Variants in TMPRSS11A observed in about 807,000 individuals in gnomAD.
TMPRSS11A encodes the protein transmembrane protease serine 11A.
Under a neutral mutation model 58.9 loss-of-function variants are expected in TMPRSS11A, and 53 were observed. The observed-to-expected ratio is 0.90, with a 90% confidence interval of 0.72 to 1.13. The LOEUF is 1.13. Among genes scored for constraint, TMPRSS11A ranks in the 50% most tolerant of loss-of-function variants. The pLI, the probability that TMPRSS11A is intolerant of heterozygous loss-of-function variation, is 0.00. For synonymous variants in TMPRSS11A, 167 were observed against 169.8 expected (o/e 0.98, Z 0.13); for missense variants, 493 against 499.3 (o/e 0.99, Z 0.12).
In TMPRSS11A at chr4:67,911,211, T is replaced by TAA; in HGVS notation, c.*130_*131insTT. ...TTGATTAAAGTGATTCTAAATAACTTACGTTGTGTGTTTCATGTTACTAGA... is the reference window on the plus strand; with the variant it reads ...TTGATTAAAGTGATTCTAAATAACTTAAACGTTGTGTGTTTCATGTTACTAGA... On this transcript the variant is annotated 3_prime_UTR_variant, in exon 10 of 10. Transcript: ENST00000508048. The TAA allele has an allele frequency of 1.3e-6, 1 of 768,520 alleles. No individual in the cohort carries two copies. The highest frequency in any genetic ancestry group is 2.0e-6 in the Non-Finnish European group (1 of 496,322). The allele number at this position is 768,520 out of a possible 1,614,324, so 47.6% of individuals were successfully genotyped here. A position where few individuals can be genotyped will look rare whatever the true frequency, so the allele number is the denominator to read the frequency against.
intron 3 of TMPRSS11A, among the ~76,000 whole-genome samples, chr4:67,937,880 G>A (rs1273219593): frequency 1.3e-5 from 2 of 152,098 alleles, no homozygotes; most frequent in East Asian, 3.8e-4. Flanking sequence ...GAGTGCAGCT[G>A]TCTTTCTGGG....
intron 1 of TMPRSS11A, among the ~76,000 whole-genome samples, chr4:67,958,341 C>T (rs1721338669): frequency 6.6e-6 from 1 of 152,218 alleles, no homozygotes; most frequent in Non-Finnish European, 1.5e-5. Flanking sequence ...AGGCTATACC[C>T]TGCAAAGCCA....
intron 9 of TMPRSS11A, among the ~76,000 whole-genome samples, chr4:67,912,591 T>C (rs938703915): frequency 6.6e-6 from 1 of 152,186 alleles, no homozygotes; most frequent in African/African-American, 2.4e-5. Flanking sequence ...ACAGTTGATA[T>C]TTAGTTAGCA....
At chr4:67,937,569 G>A (rs1720781591) in intron 3 of TMPRSS11A, among the ~76,000 whole-genome samples, 2 of 152,114 alleles carry the variant, frequency 1.3e-5, no homozygotes, top group Admixed American at 6.6e-5. Context: ...GAGCACATGT[G>A]TGGAGTTGCC....
intron 3 of TMPRSS11A, among the ~76,000 whole-genome samples, chr4:67,941,856 C>T (rs1405417355): frequency 6.6e-6 from 1 of 151,678 alleles, no homozygotes; most frequent in African/African-American, 2.4e-5. Flanking sequence ...AAAATACAAT[C>T]ATAAGGCAAA....
rs1719931922 is a variant in TMPRSS11A at position 67,910,366 on chromosome 4, T to A, written c.*976A>T. On this transcript the variant is annotated 3_prime_UTR_variant, in exon 10 of 10. Coordinates refer to ENST00000508048, the MANE Select transcript of TMPRSS11A (RefSeq NM_001114387.2). ...CCATAAGCCTTATAAGCTATTTGGC[T>A]GTAGCAATGCGAGGGCATAAAATTT... 1 of 152,136 alleles carries A rather than the reference T, an allele frequency of 6.6e-6. No individual in the cohort carries two copies. Among genetic ancestry groups the A allele is most frequent in the Admixed American group, 6.5e-5 (1 of 15,270 alleles). 9.4% of individuals were successfully genotyped at this position (152,136 alleles called of 1,614,324 possible). A position where few individuals can be genotyped will look rare whatever the true frequency, so the allele number is the denominator to read the frequency against.
At chr4:67,923,392 A>G (rs935305922) in intron 6 of TMPRSS11A, among the ~76,000 whole-genome samples, 1 of 152,260 alleles carries the variant, frequency 6.6e-6, no homozygotes, top group Non-Finnish European at 1.5e-5. Context: ...ATGCATGAAC[A>G]TCATTGCTCA....
chr4:67,959,244 T>C (rs576150973), intron 1 of TMPRSS11A, among the ~76,000 whole-genome samples: 17 of 152,332 alleles, frequency 1.1e-4, no homozygotes, highest in Non-Finnish European at 2.2e-4. Context: ...TGTGAATATT[T>C]TACTCAAATT....
At chr4:67,958,114 G>A (rs540064594) in intron 1 of TMPRSS11A, among the ~76,000 whole-genome samples, 1 of 152,306 alleles carries the variant, frequency 6.6e-6, no homozygotes, top group Non-Finnish European at 1.5e-5. Context: ...TACAAGAGCA[G>A]TGCACTCATG....
intron 9 of TMPRSS11A, among the ~76,000 whole-genome samples, chr4:67,913,342 G>A (rs1054663248): frequency 3.3e-5 from 5 of 152,134 alleles, no homozygotes; most frequent in African/African-American, 1.2e-4. Flanking sequence ...CACTTCTGTT[G>A]TATCAGACTA....
At chr4:67,917,735 C>T (rs1720198169) in intron 8 of TMPRSS11A, among the ~76,000 whole-genome samples, 1 of 152,134 alleles carries the variant, frequency 6.6e-6, no homozygotes, top group South Asian at 2.1e-4. Context: ...GTGCCAGTCT[C>T]AAACTCCTGA....
chr4:67,953,925 A>G (rs947399036), intron 1 of TMPRSS11A, among the ~76,000 whole-genome samples: 3 of 152,218 alleles, frequency 2.0e-5, no homozygotes, highest in Non-Finnish European at 4.4e-5. Flanking sequence ...AAACAAAGAA[A>G]ACATTTTCTA....
rs1720963550 is a variant in TMPRSS11A, at chr4:67,944,786, T to A, written c.134-149A>T. 1.1e-5 allele frequency: 7 copies of A among 645,844 alleles called. No homozygotes were observed. The South Asian group carries it at 1.3e-4, about 12-fold the overall frequency. The allele number at this position is 645,844 out of a possible 1,614,324, so 40.0% of individuals were successfully genotyped here. ...AAAAAATAACAGTTAATGTTTTATA[T>A]CAATTATAATAGCTGCCATTTATTG... On this transcript the variant is annotated intron_variant, in intron 2 of 9. Transcript: ENST00000508048.
intron 1 of TMPRSS11A, among the ~76,000 whole-genome samples, chr4:67,961,472 CTTTTCTTTTCCTTTTTTTTT>C: frequency 8.3e-6 from 1 of 119,994 alleles, no homozygotes; most frequent in African/African-American, 3.8e-5. Context: ...CTTTCCTTTC[CTTTTCTTTTCCTTTTTTTTT>C]TTTTTTTTTT....
chr4:67,919,354 G>A (rs1720257777), intron 7 of TMPRSS11A, 122 bp from the exon 8 acceptor site: 1 of 869,616 alleles, frequency 1.1e-6, no homozygotes, highest in African/African-American at 1.7e-5. Context: ...TGCAGTTATA[G>A]TTTTCTTTTA....
chr4:67,918,761 A>T (rs1371123021), intron 8 of TMPRSS11A, among the ~76,000 whole-genome samples: 1 of 152,192 alleles, frequency 6.6e-6, no homozygotes, highest in Non-Finnish European at 1.5e-5. Flanking sequence ...TTGACTTCCA[A>T]ATTACATGAG....
chr4:67,955,654 T>C (rs1721273153), intron 1 of TMPRSS11A, among the ~76,000 whole-genome samples: 1 of 152,190 alleles, frequency 6.6e-6, no homozygotes, highest in African/African-American at 2.4e-5. Flanking sequence ...CATGTATCCA[T>C]CCATCCATCC....
chr4:67,953,203 T>C (rs1721205601), intron 1 of TMPRSS11A, among the ~76,000 whole-genome samples: 1 of 152,156 alleles, frequency 6.6e-6, no homozygotes. Flanking sequence ...TGCTGCCTAG[T>C]TCCTAACAGG....
chr4:67,948,369 AGGAT>A (rs1048822625), intron 1 of TMPRSS11A, among the ~76,000 whole-genome samples: 2 of 152,110 alleles, frequency 1.3e-5, no homozygotes, highest in Non-Finnish European at 2.9e-5. Flanking sequence ...GGTGTTAGCC[AGGAT>A]GGTCTCCATC....
Sources: gnomAD v4.1 joint callset for allele counts (sites outside exome capture counted in the v4.1 genomes callset) on GRCh38, gnomAD v4.1.1 for gene constraint, MANE v1.5 for transcripts, NCBI Gene and HGNC (gene_info 2026-07-23, HGNC 2026-07-21) for gene names.